The following PPM1E variants were observed in gnomAD, a reference collection of about 807,000 sequenced individuals.
The protein encoded by PPM1E is protein phosphatase, Mg2+/Mn2+ dependent 1E.
In PPM1E, 20 loss-of-function variants were observed where a neutral mutation model predicts 65.9. That is an observed-to-expected ratio of 0.30 (90% confidence interval 0.21 to 0.44). PPM1E has a LOEUF of 0.44. Ranked by LOEUF, PPM1E falls within the 20% of genes least tolerant of loss-of-function variation. The probability of loss-of-function intolerance (pLI) is 1.00; values close to 1 mark genes in which losing one functional copy is unlikely to be tolerated. For missense variants in PPM1E, 713 were observed against 953.1 expected (o/e 0.75, Z 3.32); for synonymous variants, 352 against 374.9 (o/e 0.94, Z 0.70).
chr17:58,817,127 C>G (rs2050434725), intron 1 of PPM1E, among the ~76,000 whole-genome samples: 1 of 151,808 alleles, frequency 6.6e-6, no homozygotes, highest in African/African-American at 2.4e-5. Flanking sequence ...TGAATAATTT[C>G]AATTGTATGT....
At chr17:58,766,196 GTTTTTTT>G (rs10604459) in intron 1 of PPM1E, among the ~76,000 whole-genome samples, 6 of 65,132 alleles carry the variant, frequency 9.2e-5, no homozygotes, top group African/African-American at 1.3e-4. Context: ...TGTAATTTCT[GTTTTTTT>G]TTTTTTTTTT....
intron 1 of PPM1E, among the ~76,000 whole-genome samples, chr17:58,898,512 G>A (rs544624711): frequency 1.3e-5 from 2 of 152,212 alleles, no homozygotes; most frequent in South Asian, 4.1e-4. Flanking sequence ...GGAAACAACA[G>A]GTGCTGGAGA....
chr17:58,889,538 G>T (rs746041132), intron 1 of PPM1E, among the ~76,000 whole-genome samples: 5 of 152,186 alleles, frequency 3.3e-5, no homozygotes, highest in Non-Finnish European at 5.9e-5. Flanking sequence ...GGCGGAGGTT[G>T]CAGTGAGCCG....
At chr17:58,872,844 T>C (rs889994192) in intron 1 of PPM1E, among the ~76,000 whole-genome samples, 3 of 152,236 alleles carry the variant, frequency 2.0e-5, no homozygotes, top group Non-Finnish European at 2.9e-5. Flanking sequence ...CCATATGTTA[T>C]ATGTTATAGT....
rs373190015 is a variant in PPM1E at position 58,963,570 on chromosome 17, G to A, written c.584-2124G>A. On this transcript the variant is annotated intron_variant, in intron 2 of 6. Coordinates refer to ENST00000308249, the MANE Select transcript of PPM1E (RefSeq NM_014906.5). ...TGTGAGAAAAAAAAATTAGCTGGGC[G>A]TGGTGGCAGGCGCCTGTAGTCCCAG... 7.9e-5 allele frequency among the ~76,000 whole-genome samples: 12 copies of A among 151,756 alleles called. No individual in the cohort carries two copies. The East Asian group carries it at 9.7e-4, about 12-fold the overall frequency.
chr17:58,766,145 G>T (rs1360115857), intron 1 of PPM1E, among the ~76,000 whole-genome samples: 1 of 149,140 alleles, frequency 6.7e-6, no homozygotes, highest in Non-Finnish European at 1.5e-5. Context: ...CTCCCAAAGT[G>T]CTGGGATTAC....
chr17:58,852,803 C>T (rs565137447), intron 1 of PPM1E, among the ~76,000 whole-genome samples: 3 of 152,064 alleles, frequency 2.0e-5, no homozygotes, highest in East Asian at 1.9e-4. Context: ...GGGGTTTCAC[C>T]GTGTTGGCCA....
chr17:58,854,128 T>C (rs1244068815), intron 1 of PPM1E, among the ~76,000 whole-genome samples: 2 of 152,208 alleles, frequency 1.3e-5, no homozygotes, highest in Non-Finnish European at 2.9e-5. Context: ...GTATTGCTTC[T>C]TTGGTTCATA....
chr17:58,844,596 CAG>C (rs1793445509), intron 1 of PPM1E, among the ~76,000 whole-genome samples: 1 of 152,182 alleles, frequency 6.6e-6, no homozygotes, highest in African/African-American at 2.4e-5. Context: ...CATTCAAAGA[CAG>C]TTTACCATCT....
At chr17:58,860,965 C>CCATTCAGAAGA (rs761610580) in intron 1 of PPM1E, among the ~76,000 whole-genome samples, 1 of 152,076 alleles carries the variant, frequency 6.6e-6, no homozygotes, top group Non-Finnish European at 1.5e-5. Flanking sequence ...AGCTAACATA[C>CCATTCAGAAGA]TGGTTTCATC....
At chr17:58,861,886 A>T (rs1567856374) in intron 1 of PPM1E, among the ~76,000 whole-genome samples, 1 of 152,024 alleles carries the variant, frequency 6.6e-6, no homozygotes, top group Non-Finnish European at 1.5e-5. Context: ...CCTAGATTGC[A>T]CCACTGCACT....
intron 6 of PPM1E, 135 bp from the exon 7 acceptor site, chr17:58,979,837 ATT>A (rs1351372835): frequency 1.4e-6 from 1 of 692,728 alleles, no homozygotes; most frequent in Admixed American, 3.0e-5. Context: ...GTCAAAAACT[ATT>A]TTATAAATTC....
chr17:58,906,725 T>A (rs185407695), intron 1 of PPM1E, among the ~76,000 whole-genome samples: 1 of 152,216 alleles, frequency 6.6e-6, no homozygotes, highest in Admixed American at 6.5e-5. Flanking sequence ...TTCTTTGGAT[T>A]TAATTTGCTC....
intron 1 of PPM1E, among the ~76,000 whole-genome samples, chr17:58,857,603 C>T (rs2050896567): frequency 6.6e-6 from 1 of 152,062 alleles, no homozygotes; most frequent in Non-Finnish European, 1.5e-5. Flanking sequence ...CTATCCAAAT[C>T]ATTTTTTAAG....
intron 1 of PPM1E, among the ~76,000 whole-genome samples, chr17:58,825,258 ACACAC>A (rs1567844886): frequency 8.6e-5 from 13 of 151,646 alleles, no homozygotes; most frequent in South Asian, 4.2e-4. Flanking sequence ...ACACACACAC[ACACAC>A]AAAAATAAAT....
chr17:58,842,710 G>A (rs564601839), intron 1 of PPM1E, among the ~76,000 whole-genome samples: 2 of 150,826 alleles, frequency 1.3e-5, no homozygotes, highest in African/African-American at 2.4e-5. Flanking sequence ...AGGCCAAGGC[G>A]GGTGGATCAC....
intron 1 of PPM1E, among the ~76,000 whole-genome samples, chr17:58,847,935 C>T (rs1047982218): frequency 6.6e-6 from 1 of 152,172 alleles, no homozygotes; most frequent in African/African-American, 2.4e-5. Context: ...TTTGTGTCCT[C>T]TCTTATTTCA....
At chr17:58,955,476 C>A in intron 1 of PPM1E, 173 bp from the exon 2 acceptor site, 1 of 710,744 alleles carries the variant, frequency 1.4e-6, no homozygotes, top group Non-Finnish European at 2.4e-6. Context: ...TGTTATGCAT[C>A]AATATATATC....
intron 1 of PPM1E, among the ~76,000 whole-genome samples, chr17:58,933,750 C>T (rs569777284): frequency 2.7e-5 from 4 of 149,532 alleles, no homozygotes; most frequent in East Asian, 2.0e-4. Context: ...GAGCCGAGAT[C>T]GCACCATTGC....
Sources: gnomAD v4.1 joint callset for allele counts (sites outside exome capture counted in the v4.1 genomes callset) on GRCh38, gnomAD v4.1.1 for gene constraint, MANE v1.5 for transcripts, NCBI Gene and HGNC (gene_info 2026-07-23, HGNC 2026-07-21) for gene names.